Variants in LPO observed in about 807,000 individuals in gnomAD.
The protein encoded by LPO is lactoperoxidase, also known as salivary peroxidase.
LPO carries 70 observed loss-of-function variants against 68.4 expected under a neutral mutation model. The observed-to-expected ratio is 1.02, with a 90% CI of 0.84 to 1.25. The LOEUF is 1.25. LPO is among the 50% of genes most tolerant of loss of function. The pLI, the probability that LPO is intolerant of heterozygous loss-of-function variation, is 0.00. For synonymous variants in LPO, 360 were observed against 357.6 expected, an observed-to-expected ratio of 1.01 and a Z score of -0.08; for missense variants, 873 against 908.4, an observed-to-expected ratio of 0.96 and a Z score of 0.50.
chr17:58,257,274 C>T (rs988029956), intron 9 of LPO, among the ~76,000 whole-genome samples: 2 of 152,096 alleles, frequency 1.3e-5, no homozygotes, highest in Admixed American at 6.6e-5. Flanking sequence ...TCTCCACCTC[C>T]GCCCCCCACA....
At position 58,268,425 on chromosome 17, in the gene LPO, G is replaced by A. The variant is rs927788336; in HGVS notation, c.*431G>A. The A allele has an allele frequency of 1.1e-5, 2 of 176,286 alleles. No homozygotes were observed. Among genetic ancestry groups the A allele is most frequent in the Admixed American group, 5.7e-5 (1 of 17,560 alleles). 10.9% of individuals were successfully genotyped at this position (176,286 alleles called of 1,614,324 possible). A position where few individuals can be genotyped will look rare whatever the true frequency, so the allele number is the denominator to read the frequency against. On this transcript the variant is annotated 3_prime_UTR_variant, in exon 13 of 13. Coordinates refer to ENST00000262290, the MANE Select transcript of LPO (RefSeq NM_006151.3). ...ACATTAGAAGTGCTCAAAAACATCT[G>A]ATGACTGACTAAAGATGCTAGGCGT...
chr17:58,249,330 G>A (rs971316598), intron 5 of LPO, 153 bp downstream of exon 5: 2 of 882,890 alleles, frequency 2.3e-6, no homozygotes, highest in Non-Finnish European at 3.4e-6. Flanking sequence ...AAGATCGCGC[G>A]TCTCCAGCCC....
intron 9 of LPO, among the ~76,000 whole-genome samples, chr17:58,259,259 C>T (rs952186172): frequency 3.3e-5 from 5 of 152,034 alleles, no homozygotes; most frequent in Non-Finnish European, 7.4e-5. Context: ...TAAATTTTTG[C>T]ATAAAGTGTG....
intron 1 of LPO, among the ~76,000 whole-genome samples, chr17:58,241,125 CTT>C (rs1161572564): frequency 9.2e-4 from 84 of 91,278 alleles, no homozygotes; most frequent in South Asian, 3.0e-3. Context: ...TTTCTTTTTT[CTT>C]TTTTTTTTTT....
At chr17:58,241,048 T>C (rs1259787933) in intron 1 of LPO, among the ~76,000 whole-genome samples, 1 of 152,054 alleles carries the variant, frequency 6.6e-6, no homozygotes, top group Non-Finnish European at 1.5e-5. Flanking sequence ...TACAGTACTG[T>C]AGAGTTTAAA....
intron 10 of LPO, among the ~76,000 whole-genome samples, chr17:58,265,952 G>A (rs1439750749): frequency 2.0e-5 from 3 of 152,012 alleles, no homozygotes; most frequent in Non-Finnish European, 4.4e-5. Context: ...CACCCCCAGA[G>A]CAGACAATCT....
chr17:58,267,697 A>G, intron 12 of LPO, 90 bp from the exon 13 acceptor site: 4 of 1,469,704 alleles, frequency 2.7e-6, no homozygotes, highest in Non-Finnish European at 3.8e-6. Context: ...AGGGCTTTTC[A>G]TGGTCCCTGT....
intron 10 of LPO, 32 bp from the exon 11 acceptor site, chr17:58,266,121 C>A: frequency 6.2e-7 from 1 of 1,604,280 alleles, no homozygotes; most frequent in South Asian, 1.1e-5. Flanking sequence ...CTTCCCCCAA[C>A]CTAAGCATGG....
At chr17:58,250,393 C>T (rs1178885176) in intron 6 of LPO, 22 bp from the exon 7 acceptor site, 1 of 1,600,906 alleles carries the variant, frequency 6.2e-7, no homozygotes, top group African/African-American at 1.3e-5. Flanking sequence ...AATCTGCCCT[C>T]CCCTTCTCTC....
In LPO at chr17:58,252,259, T is replaced by G. The variant is rs1354946779; in HGVS notation, c.858T>G (p.Thr286=). Residue 286 remains threonine, a synonymous_variant, in exon 8 of 13, where the codon ACT becomes ACG. Transcript: ENST00000262290. ...PFFRAGFVCP[T]PPYKSLAREQ... ...TCCGAGCTGGGTTCGTCTGCCCCAC[T>G]CCACCCTACAAGTCCCTGGCCCGAG... 5.0e-6 allele frequency: 8 copies of G among 1,613,994 alleles called. No homozygotes were observed. The highest frequency in any genetic ancestry group is 6.8e-6 in the Non-Finnish European group (8 of 1,180,010).
rs1042204922 is a variant in LPO at position 58,265,011 on chromosome 17, C to T, written c.1519+37C>T. Reference sequence around the variant, plus strand: ...CAGGGAAGTGCTGTCACCTGGGTCTCCCACTCCGCAGCCTATTGTAGGGAA... The same window carrying T: ...CAGGGAAGTGCTGTCACCTGGGTCTTCCACTCCGCAGCCTATTGTAGGGAA... On this transcript the variant is annotated intron_variant, in intron 10 of 12. Transcript: ENST00000262290. 1.9e-6 allele frequency: 3 copies of T among 1,608,946 alleles called. No homozygotes were observed. The African/African-American group carries it at 4.0e-5, about 22-fold the overall frequency.
At chr17:58,267,721 C>A in intron 12 of LPO, 66 bp from the exon 13 acceptor site, 1 of 1,521,218 alleles carries the variant, frequency 6.6e-7, no homozygotes, top group South Asian at 1.2e-5. Context: ...CCTTTCCTTC[C>A]CCTGTGACAG....
Position 58,244,090 on chromosome 17 carries a change from GACAC to G in LPO, c.164+48_164+51del, listed in dbSNP as rs67390833. On this transcript the variant is annotated intron_variant, in intron 3 of 12. Coordinates refer to ENST00000262290, the MANE Select transcript of LPO (RefSeq NM_006151.3). The stretch of plus-strand genomic sequence containing the variant: ...CTGGACTCCCGAACCAGGTACGTGA[GACAC>G]ACACACACACACACACACACACACA... 0.15 allele frequency: 158,582 copies of G among 1,049,340 alleles called. 5,643 individuals are homozygous for G. The highest frequency in any genetic ancestry group is 0.16 in the Middle Eastern group (764 of 4,654). 65.0% of individuals were successfully genotyped at this position (1,049,340 alleles called of 1,614,324 possible). A position where few individuals can be genotyped will look rare whatever the true frequency, so the allele number is the denominator to read the frequency against.
At chr17:58,258,440 C>T (rs915501107) in intron 9 of LPO, among the ~76,000 whole-genome samples, 4 of 152,220 alleles carry the variant, frequency 2.6e-5, no homozygotes, top group Admixed American at 6.5e-5. Context: ...TTGTTGAAAA[C>T]GAGTTAACTG....
At chr17:58,249,741 C>G in intron 6 of LPO, 46 bp downstream of exon 6, 1 of 1,518,958 alleles carries the variant, frequency 6.6e-7, no homozygotes, top group Non-Finnish European at 8.8e-7. Flanking sequence ...CCAGAGGGGA[C>G]GGGATGCACT....
chr17:58,248,541 GC>G (rs894212420), intron 4 of LPO, among the ~76,000 whole-genome samples: 14 of 152,118 alleles, frequency 9.2e-5, no homozygotes, highest in Non-Finnish European at 1.8e-4. Flanking sequence ...GATGCCTAAA[GC>G]CCCCCTACTC....
chr17:58,252,143 C>A, intron 7 of LPO, 39 bp from the exon 8 acceptor site: 1 of 1,591,022 alleles, frequency 6.3e-7, no homozygotes, highest in South Asian at 1.1e-5. Flanking sequence ...CCCAGCTGTT[C>A]CACCCCTGCC....
At chr17:58,251,348 A>G (rs1411971532) in intron 7 of LPO, 2 of 154,396 alleles carry the variant, frequency 1.3e-5, no homozygotes, top group African/African-American at 4.8e-5. Context: ...TAGGAAATAG[A>G]TTCTACATTT....
chr17:58,244,888 A>G (rs1245423485), intron 3 of LPO, among the ~76,000 whole-genome samples: 3 of 152,206 alleles, frequency 2.0e-5, no homozygotes, highest in Admixed American at 2.0e-4. Flanking sequence ...CTGCCCTCCG[A>G]TCCTGTACAG....
Sources: gnomAD v4.1 joint callset for allele counts (sites outside exome capture counted in the v4.1 genomes callset) on GRCh38, gnomAD v4.1.1 for gene constraint, MANE v1.5 for transcripts, NCBI Gene and HGNC (gene_info 2026-07-23, HGNC 2026-07-21) for gene names.